Variants in SLC9A9 observed in about 807,000 individuals in gnomAD.
SLC9A9 encodes the protein solute carrier family 9 member A9.
A neutral mutation model predicts 77.8 loss-of-function variants in SLC9A9; 62 were observed. The ratio of observed to expected loss-of-function variants is 0.80; its 90% CI spans 0.65 to 0.98. The LOEUF (loss-of-function observed/expected upper bound fraction) is 0.98, where lower values mean the gene tolerates loss of function less well. Among genes scored for constraint, SLC9A9 ranks in the 50% least tolerant of loss-of-function variants. The probability of loss-of-function intolerance (pLI) is 0.00; values close to 1 mark genes in which losing one functional copy is unlikely to be tolerated. For synonymous variants in SLC9A9, 320 were observed against 283.5 expected (o/e 1.13, Z -1.29); for missense variants, 775 against 774.9 (o/e 1.00, Z 0.00).
intron 12 of SLC9A9, among the ~76,000 whole-genome samples, chr3:143,429,421 T>C (rs751581122): frequency 1.3e-5 from 2 of 152,228 alleles, no homozygotes; most frequent in South Asian, 2.1e-4. Flanking sequence ...AGCTTTTGCC[T>C]GACAATAGGA....
chr3:143,674,848 A>T (rs1223500209), intron 5 of SLC9A9, among the ~76,000 whole-genome samples: 2 of 152,214 alleles, frequency 1.3e-5, no homozygotes, highest in Admixed American at 6.5e-5. Context: ...ATTTCAGATT[A>T]AAAATATCAG....
chr3:143,455,481 T>C lies in SLC9A9; in HGVS notation c.1469+11556A>G, dbSNP rs144838598. Among the ~76,000 whole-genome samples the C allele has an allele frequency of 1.5e-4, 23 of 152,322 alleles. No individual in the cohort carries two copies. The East Asian group carries it at 4.0e-3, about 27-fold the overall frequency. On this transcript the variant is annotated intron_variant, in intron 12 of 15. Coordinates refer to ENST00000316549, the MANE Select transcript of SLC9A9 (RefSeq NM_173653.4). ...TCCTGCGATTTTGATTAGAATTGTA[T>C]GAAATCTCTGGATCAATTTACAGAA...
intron 8 of SLC9A9, among the ~76,000 whole-genome samples, chr3:143,559,280 C>A (rs909169316): frequency 6.6e-6 from 1 of 152,146 alleles, no homozygotes; most frequent in African/African-American, 2.4e-5. Flanking sequence ...ATATGTTAGA[C>A]CTAGAACTAT....
At chr3:143,377,853 CT>C (rs1239352824) in intron 13 of SLC9A9, among the ~76,000 whole-genome samples, 2 of 152,214 alleles carry the variant, frequency 1.3e-5, no homozygotes, top group African/African-American at 4.8e-5. Context: ...GTTTCTCCCA[CT>C]TTTTCTCCAT....
chr3:143,290,253 G>C (rs2029894708), intron 14 of SLC9A9, among the ~76,000 whole-genome samples: 1 of 152,196 alleles, frequency 6.6e-6, no homozygotes, highest in Non-Finnish European at 1.5e-5. Flanking sequence ...AGGCAAACCA[G>C]GATGTGTGGT....
intron 12 of SLC9A9, among the ~76,000 whole-genome samples, chr3:143,392,827 C>T (rs2033605241): frequency 6.6e-6 from 1 of 152,074 alleles, no homozygotes; most frequent in Non-Finnish European, 1.5e-5. Flanking sequence ...AGACTTTAAA[C>T]CAACAAAGAT....
chr3:143,615,104 C>G (rs2108704260), intron 6 of SLC9A9, among the ~76,000 whole-genome samples: 1 of 152,268 alleles, frequency 6.6e-6, no homozygotes, highest in South Asian at 2.1e-4. Context: ...ATATACAAGT[C>G]AGCCAACTTG....
At chr3:143,674,233 G>A (rs149734945) in intron 5 of SLC9A9, among the ~76,000 whole-genome samples, 2 of 152,292 alleles carry the variant, frequency 1.3e-5, no homozygotes, top group Non-Finnish European at 2.9e-5. Context: ...ATAAGTTAAA[G>A]CATTAAACTG....
At chr3:143,276,791 C>G (rs1441638952) in intron 14 of SLC9A9, among the ~76,000 whole-genome samples, 1 of 151,742 alleles carries the variant, frequency 6.6e-6, no homozygotes, top group African/African-American at 2.4e-5. Flanking sequence ...AAAAAAACCT[C>G]CAAAAAAACT....
Position 143,517,851 on chromosome 3 carries a change from C to G in SLC9A9, c.1090-22403G>C, listed in dbSNP as rs189144266. The G allele has an allele frequency of 5.8e-5, 93 of 1,596,522 alleles. No individual in the cohort carries two copies. In the Middle Eastern group the frequency reaches 1.4e-3, roughly 23 times the overall value. ...TCAATGGCTTTCTGGAGTTCACCATCGTTTAGGGCTTCAATAGCAGCCACT... is the reference window on the plus strand; with the variant it reads ...TCAATGGCTTTCTGGAGTTCACCATGGTTTAGGGCTTCAATAGCAGCCACT... On this transcript the variant is annotated intron_variant, in intron 9 of 15. Coordinates refer to ENST00000316549, the MANE Select transcript of SLC9A9 (RefSeq NM_173653.4).
chr3:143,373,170 A>G (rs1357661883), intron 13 of SLC9A9, among the ~76,000 whole-genome samples: 2 of 152,206 alleles, frequency 1.3e-5, no homozygotes, highest in Non-Finnish European at 2.9e-5. Flanking sequence ...TTGCAATACA[A>G]TTCACAACTG....
intron 14 of SLC9A9, among the ~76,000 whole-genome samples, chr3:143,321,845 A>T (rs1488404195): frequency 1.3e-5 from 2 of 152,220 alleles, no homozygotes; most frequent in Non-Finnish European, 2.9e-5. Context: ...AAACTTGTTT[A>T]GGCTATAGAC....
At chr3:143,762,669 A>G (rs1265106245) in intron 4 of SLC9A9, among the ~76,000 whole-genome samples, 1 of 152,136 alleles carries the variant, frequency 6.6e-6, no homozygotes, top group African/African-American at 2.4e-5. Flanking sequence ...CAATTGATAC[A>G]CCTGTGTATG....
At chr3:143,659,136 C>CT (rs542229241) in intron 5 of SLC9A9, among the ~76,000 whole-genome samples, 81 of 152,230 alleles carry the variant, frequency 5.3e-4, no homozygotes, top group African/African-American at 1.9e-3. Flanking sequence ...AGGATTTTCA[C>CT]TTCAGCATTT....
At chr3:143,416,273 A>G (rs2034189258) in intron 12 of SLC9A9, among the ~76,000 whole-genome samples, 2 of 152,224 alleles carry the variant, frequency 1.3e-5, no homozygotes, top group African/African-American at 4.8e-5. Context: ...TTGATAAAGC[A>G]GTGGCAGGGT....
intron 9 of SLC9A9, among the ~76,000 whole-genome samples, chr3:143,511,261 C>T (rs1306964208): frequency 1.3e-5 from 2 of 152,330 alleles, no homozygotes; most frequent in Non-Finnish European, 2.9e-5. Context: ...ACTTCTGTTT[C>T]TGGCTACTGT....
chr3:143,645,568 C>T (rs868575780), intron 6 of SLC9A9, among the ~76,000 whole-genome samples: 38 of 152,264 alleles, frequency 2.5e-4, no homozygotes, highest in African/African-American at 7.2e-4. Context: ...CTCAGTTCCA[C>T]GGTTGCTTGA....
At chr3:143,602,876 A>T (rs2037866052) in intron 6 of SLC9A9, among the ~76,000 whole-genome samples, 2 of 152,232 alleles carry the variant, frequency 1.3e-5, no homozygotes, top group Non-Finnish European at 2.9e-5. Context: ...ATAGCATTTG[A>T]AATGGCATTT....
At position 143,629,572 on chromosome 3, in the gene SLC9A9, CGTGT is replaced by C. The variant is rs112725310; in HGVS notation, c.755+22679_755+22682del. Among the ~76,000 whole-genome samples, 12 of 146,626 alleles carry C rather than the reference CGTGT, an allele frequency of 8.2e-5. 1 individual carries two copies. In the South Asian group the frequency reaches 8.7e-4, roughly 11 times the overall value. On this transcript the variant is annotated intron_variant, in intron 6 of 15. Coordinates refer to ENST00000316549, the MANE Select transcript of SLC9A9 (RefSeq NM_173653.4). ...CTACCAGTATATGTGCGTGTGTGTG[CGTGT>C]GTGTGTGTGTGTGTGTGTATGTGTG... is the stretch of plus-strand genomic sequence containing the variant.
Sources: allele counts gnomAD v4.1 joint callset (sites outside exome capture counted in the v4.1 genomes callset), GRCh38; gene constraint gnomAD v4.1.1; transcripts MANE v1.5; gene names NCBI Gene and HGNC (gene_info 2026-07-23, HGNC 2026-07-21).